Variants in PPL observed in about 807,000 individuals in gnomAD.
The protein encoded by PPL is periplakin.
In PPL, 198 loss-of-function variants were observed where a neutral mutation model predicts 194.4. The ratio of observed to expected loss-of-function variants is 1.02; its 90% CI spans 0.91 to 1.15. The LOEUF (loss-of-function observed/expected upper bound fraction) is 1.15, where lower values mean the gene tolerates loss of function less well. Ranked by LOEUF, PPL falls within the 50% of genes most tolerant of loss-of-function variation. PPL has a pLI of 0.00. For missense variants in PPL, 2,885 were observed against 2,294.8 expected, an observed-to-expected ratio of 1.26 and a Z score of -5.25; for synonymous variants, 1,220 against 972.4, an observed-to-expected ratio of 1.25 and a Z score of -4.74.
chr16:4,922,471 G>A (rs947790976), intron 1 of PPL, among the ~76,000 whole-genome samples: 2 of 152,132 alleles, frequency 1.3e-5, no homozygotes. Flanking sequence ...AGACCAGCCT[G>A]GCCAACATAG....
intron 1 of PPL, among the ~76,000 whole-genome samples, chr16:4,931,345 T>C (rs956723906): frequency 3.9e-5 from 6 of 152,002 alleles, no homozygotes; most frequent in African/African-American, 9.7e-5. Flanking sequence ...ATCTGGGTGA[T>C]ACAGTGACAG....
intron 6 of PPL, among the ~76,000 whole-genome samples, 154 bp from the exon 7 acceptor site, chr16:4,899,538 G>A (rs1481743887): frequency 6.6e-6 from 1 of 152,058 alleles, no homozygotes; most frequent in Non-Finnish European, 1.5e-5. Flanking sequence ...CCACGTCCAG[G>A]CCAGTCCCCC....
intron 2 of PPL, among the ~76,000 whole-genome samples, chr16:4,904,391 A>G (rs1610233): frequency 0.95 from 144,148 of 152,218 alleles, 68,769 homozygotes; most frequent in East Asian, 1. Context: ...CCCAGTCTGC[A>G]AGGCCACCAG....
At chr16:4,896,867 T>G (rs892392461) in intron 9 of PPL, among the ~76,000 whole-genome samples, 1 of 151,618 alleles carries the variant, frequency 6.6e-6, no homozygotes, top group African/African-American at 2.4e-5. Context: ...ACTCCTGACC[T>G]CAGGTGATCC....
rs988251088 is a variant in PPL at position 4,907,299 on chromosome 16, T to C, written c.163-3259A>G. On this transcript the variant is annotated intron_variant, in intron 2 of 21. Transcript: ENST00000345988. ...AAATAAAAAATTATAGGGACTGATA[T>C]ATCTAATCTCACACACACACACACA... Among the ~76,000 whole-genome samples the C allele has an allele frequency of 3.9e-4, 56 of 144,666 alleles. 1 individual carries two copies. The highest frequency in any genetic ancestry group is 1.4e-3 in the African/African-American group (54 of 37,720). The allele number at this position is 144,666 out of a possible 152,430, so 94.9% of individuals were successfully genotyped here.
rs1490402604 is a variant in PPL at position 4,889,132 on chromosome 16, GC to G, written c.2314-72del. 9.4e-6 allele frequency: 11 copies of G among 1,171,464 alleles called. 1 individual carries two copies. Among genetic ancestry groups the G allele is most frequent in the Middle Eastern group, 2.4e-4 (1 of 4,170 alleles). 72.6% of individuals were successfully genotyped at this position (1,171,464 alleles called of 1,614,324 possible). A position where few individuals can be genotyped will look rare whatever the true frequency, so the allele number is the denominator to read the frequency against. On this transcript the variant is annotated intron_variant, in intron 18 of 21. Transcript: ENST00000345988. ...TAAAAAAGCAACCATGGATGCAGTA[GC>G]TGGAAATCTCAGAATCTGAATTTAT...
Position 4,893,654 on chromosome 16 carries a change from T to G in PPL, c.1395-16A>C. 6.4e-7 allele frequency: 1 copy of G among 1,565,738 alleles called. No homozygotes were observed. The highest frequency in any genetic ancestry group is 1.1e-5 in the South Asian group (1 of 87,050). ...GCTGCCCAGGCTGTGAGGACAGAAA[T>G]GAGCTGGGAACCTGGGCAGCCCACC... On this transcript the variant is annotated splice_polypyrimidine_tract_variant and intron_variant, in intron 12 of 21. Coordinates refer to ENST00000345988, the MANE Select transcript of PPL (RefSeq NM_002705.5).
At chr16:4,892,489 A>G (rs567181677) in intron 14 of PPL, among the ~76,000 whole-genome samples, 125 of 152,268 alleles carry the variant, frequency 8.2e-4, no homozygotes, top group African/African-American at 2.8e-3. Context: ...CTGCACGCGG[A>G]CGCTTCTGTT....
chr16:4,933,599 G>C (rs1169775996), intron 1 of PPL, among the ~76,000 whole-genome samples: 2 of 152,202 alleles, frequency 1.3e-5, no homozygotes, highest in Non-Finnish European at 2.9e-5. Flanking sequence ...CTGTCACAAA[G>C]TATGTGAGTG....
chr16:4,904,836 GCAGCCAGGTGACAGCGAGGTGGCAC>G (rs2088651472), intron 2 of PPL, among the ~76,000 whole-genome samples: 1 of 152,202 alleles, frequency 6.6e-6, no homozygotes, highest in Non-Finnish European at 1.5e-5. Flanking sequence ...GTCTGTGGCA[GCAGCCAGGTGACAGCGAGGTGGCAC>G]CAGCAAGAAG....
chr16:4,931,627 C>T (rs1029886516), intron 1 of PPL, among the ~76,000 whole-genome samples: 3 of 152,144 alleles, frequency 2.0e-5, no homozygotes, highest in African/African-American at 7.2e-5. Context: ...ACAGACCTGC[C>T]GGGAGCAGAG....
chr16:4,922,143 G>A (rs1402675948), intron 1 of PPL, among the ~76,000 whole-genome samples: 2 of 152,204 alleles, frequency 1.3e-5, no homozygotes, highest in South Asian at 4.1e-4. Flanking sequence ...CAGACAGCCC[G>A]GGGTCAAATC....
intron 1 of PPL, among the ~76,000 whole-genome samples, chr16:4,930,347 C>G (rs1253206146): frequency 1.3e-5 from 2 of 152,200 alleles, no homozygotes; most frequent in Non-Finnish European, 2.9e-5. Flanking sequence ...CAGGAGGTGA[C>G]TGGATGGGGA....
chr16:4,904,564 A>G (rs2088644094), intron 2 of PPL, among the ~76,000 whole-genome samples: 2 of 152,206 alleles, frequency 1.3e-5, no homozygotes, highest in African/African-American at 4.8e-5. Flanking sequence ...ACAAAGGATG[A>G]AAGGGACAGT....
Position 4,885,863 on chromosome 16 carries a change from G to C in PPL, c.2792C>G (p.Ser931Trp). The stretch of plus-strand genomic sequence containing the variant: ...CTTGAGCACCTCCTTCCTCACCACC[G>C]ATTCCTGAGGCCCCTGATTCCTCAA... ...WTLRNQGPQE[S>W]VVRKEVLKKV... The change falls in exon 22 of 22, where the codon TCG becomes TGG. Residue 931 changes from serine to tryptophan, a missense_variant. Transcript: ENST00000345988. This position sits in a 1 kb window ranked among gnomAD's most constrained non-coding sequence, Gnocchi z 6.3. 6.2e-7 allele frequency: 1 copy of C among 1,608,356 alleles called. No individual in the cohort carries two copies. Among genetic ancestry groups the C allele is most frequent in the Non-Finnish European group, 8.5e-7 (1 of 1,179,990 alleles).
Position 4,892,142 on chromosome 16 carries a change from G to A in PPL, c.1722C>T (p.Ile574=). The change falls in exon 15 of 22, where the codon ATC becomes ATT. Residue 574 remains isoleucine, a synonymous_variant. Coordinates refer to ENST00000345988, the MANE Select transcript of PPL (RefSeq NM_002705.5). ...TGGTGCCACTGCCTGGGAGGGCCTGGATGAAGGCTTCGCCCTCAGCCGTGC... is the reference window on the plus strand; with the variant it reads ...TGGTGCCACTGCCTGGGAGGGCCTGAATGAAGGCTTCGCCCTCAGCCGTGC... ...TRSTAEGEAF[I]QALPGSGTTP... is the part of the protein sequence containing the mutation. 1.2e-6 allele frequency: 2 copies of A among 1,613,834 alleles called. No homozygotes were observed. The highest frequency in any genetic ancestry group is 1.7e-6 in the Non-Finnish European group (2 of 1,180,036).
rs1359573725 is a variant in PPL at position 4,884,235 on chromosome 16, G to A, written c.4420C>T (p.Gln1474Ter). ...GTCTCGAGCTCCCCCTCCAGGAGCT[G>A]CCGCCGGTGCTGCTCTTCTTCCAGC... is the stretch of plus-strand genomic sequence containing the variant. ...LQLEEEQHRR[Q>*]LLEGELETLR... Residue 1474 changes from glutamine to a stop codon, truncating the protein, a stop_gained, in exon 22 of 22, where the codon CAG becomes TAG. Transcript: ENST00000345988. LOFTEE classifies it high-confidence loss of function. The surrounding 1 kb of genome is among the most constrained non-coding windows in gnomAD (Gnocchi z 5.7). 7 of 1,613,536 alleles carry A rather than the reference G, an allele frequency of 4.3e-6. No homozygotes were observed. Among genetic ancestry groups the A allele is most frequent in the Non-Finnish European group, 5.9e-6 (7 of 1,179,932 alleles).
At chr16:4,891,714 A>C in intron 16 of PPL, 97 bp downstream of exon 16, 3 of 1,446,942 alleles carry the variant, frequency 2.1e-6, no homozygotes, top group Non-Finnish European at 2.8e-6. Context: ...GGGAGACTGG[A>C]TGCTGGTGTC....
intron 11 of PPL, 37 bp downstream of exon 11, chr16:4,895,222 CTT>C (rs1048224373): frequency 1.5e-5 from 23 of 1,556,366 alleles, no homozygotes; most frequent in Non-Finnish European, 1.9e-5. Context: ...ACCCCAAAAA[CTT>C]TGTAGTGATG....
Sources: gnomAD v4.1 joint callset for allele counts (sites outside exome capture counted in the v4.1 genomes callset) on GRCh38, gnomAD v4.1.1 for gene constraint, Gnocchi (gnomAD v3.1) non-coding constraint, MANE v1.5 for transcripts, NCBI Gene and HGNC (gene_info 2026-07-23, HGNC 2026-07-21) for gene names.